DSC1: variants seen among roughly 807,000 people sequenced by gnomAD.
DSC1 encodes desmocollin 1.
In DSC1, 79 loss-of-function variants were observed where a neutral mutation model predicts 98.8. The ratio of observed to expected loss-of-function variants is 0.80; its 90% CI spans 0.67 to 0.96. The LOEUF (loss-of-function observed/expected upper bound fraction) is 0.96, where lower values mean the gene tolerates loss of function less well. Ranked by LOEUF, DSC1 falls within the 50% of genes least tolerant of loss-of-function variation. The pLI, the probability that DSC1 is intolerant of heterozygous loss-of-function variation, is 0.00. For synonymous variants in DSC1, 405 were observed against 372.1 expected (o/e 1.09, Z -1.02); for missense variants, 1,115 against 1,075.9 (o/e 1.04, Z -0.51).
At chr18:31,162,507 C>A in intron 1 of DSC1, 25 bp downstream of exon 1, 1 of 1,612,248 alleles carries the variant, frequency 6.2e-7, no homozygotes, top group Non-Finnish European at 8.5e-7. Context: ...TGCTTGAATT[C>A]CCTAATCCTT....
chr18:31,137,169 T>C (rs921592141), intron 11 of DSC1, among the ~76,000 whole-genome samples: 26 of 152,168 alleles, frequency 1.7e-4, no homozygotes, highest in African/African-American at 6.0e-4. Flanking sequence ...AATTAATTGT[T>C]AAAAGATTTA....
At position 31,157,394 on chromosome 18, in the gene DSC1, C is replaced by T. The variant is rs1989118870; in HGVS notation, c.328G>A (p.Val110Ile). 1.9e-6 allele frequency: 3 copies of T among 1,614,150 alleles called. No homozygotes were observed. Among genetic ancestry groups the T allele is most frequent in the Non-Finnish European group, 2.5e-6 (3 of 1,180,014 alleles). ...QRREQQEIKV[V>I]LSARENKSPK... is the part of the protein sequence containing the mutation. ...ACCTTGTTTTCTCTTGCTGACAGTA[C>T]AACTTTTATCTCTTGTTGTTCCCGT... Residue 110 changes from valine (V) to isoleucine (I), a missense_variant, in exon 3 of 16, where the codon GTA becomes ATA. By Grantham distance (29) the Val-to-Ile change is conservative. Coordinates refer to ENST00000257198, the MANE Select transcript of DSC1 (RefSeq NM_024421.2).
At chr18:31,137,779 C>T (rs1182452359) in intron 11 of DSC1, among the ~76,000 whole-genome samples, 1 of 151,990 alleles carries the variant, frequency 6.6e-6, no homozygotes, top group East Asian at 1.9e-4. Context: ...AGTTAAGGGG[C>T]CTGAATTTCA....
Position 31,150,372 on chromosome 18 carries a change from C to CCATCAGCAGCAGCACCAT in DSC1, c.628-1731_628-1730insATGGTGCTGCTGCTGATG, listed in dbSNP as rs1988965310. Among the ~76,000 whole-genome samples the CCATCAGCAGCAGCACCAT allele has an allele frequency of 6.7e-5, 6 of 89,866 alleles. 1 individual carries two copies. The highest frequency in any genetic ancestry group is 4.9e-5 in the Non-Finnish European group (2 of 41,048). The allele number at this position is 89,866 out of a possible 152,430, so 59.0% of individuals were successfully genotyped here. ...ACCACCACCACCATCATCACCACCACCATCATCACCACCATCACCACCATT... is the reference window on the plus strand; with the variant it reads ...ACCACCACCACCATCATCACCACCACCATCAGCAGCAGCACCATCATCATCACCACCATCACCACCATT... On this transcript the variant is annotated intron_variant, in intron 5 of 15. Transcript: ENST00000257198.
chr18:31,134,212 G>T, intron 12 of DSC1, 82 bp from the exon 13 acceptor site: 4 of 1,474,374 alleles, frequency 2.7e-6, no homozygotes, highest in Non-Finnish European at 3.6e-6. Context: ...TCAGTGGAAG[G>T]GAATCAATTT....
Position 31,157,570 on chromosome 18 carries a change from T to C in DSC1, c.152A>G (p.Asn51Ser). ...LQAETLVGKV[N>S]LEECLKSASL... ...GGCCGACTTGAGACACTCCTCCAGA[T>C]TCACTGCAGGGAAGAAATATCACAG... Residue 51 changes from asparagine (N) to serine (S), a missense_variant, in exon 3 of 16, where the codon AAT becomes AGT. By Grantham distance (46) the Asn-to-Ser change is conservative. Transcript: ENST00000257198. 1.9e-6 allele frequency: 3 copies of C among 1,614,116 alleles called. No homozygotes were observed. Among genetic ancestry groups the C allele is most frequent in the Non-Finnish European group, 2.5e-6 (3 of 1,179,982 alleles).
At position 31,130,483 on chromosome 18, in the gene DSC1, T is replaced by C. The variant is rs1988459714; in HGVS notation, c.*31A>G. The C allele has an allele frequency of 2.5e-6, 4 of 1,609,316 alleles. No homozygotes were observed. The Admixed American group carries it at 5.0e-5, about 20-fold the overall frequency. On this transcript the variant is annotated 3_prime_UTR_variant, in exon 16 of 16. Transcript: ENST00000257198. ...CAAGTAATAAATTCCTACTTATGCA[T>C]CTGTGGATATTACACTATTAAAAGG...
rs542250442 is a variant in DSC1, at chr18:31,155,078, G to A, written c.472-149C>T. ...TGCTTAGGTGCCCATTATCTGCCAT[G>A]TTTTCCGAATTTTTATTTGCATTTT... is the stretch of plus-strand genomic sequence containing the variant. On this transcript the variant is annotated intron_variant, in intron 4 of 15. Coordinates refer to ENST00000257198, the MANE Select transcript of DSC1 (RefSeq NM_024421.2). 150 of 935,564 alleles carry A rather than the reference G, an allele frequency of 1.6e-4. No homozygotes were observed. The African/African-American group carries it at 2.1e-3, about 13-fold the overall frequency. The allele number at this position is 935,564 out of a possible 1,614,324, so 58.0% of individuals were successfully genotyped here. A position where few individuals can be genotyped will look rare whatever the true frequency, so the allele number is the denominator to read the frequency against.
intron 11 of DSC1, among the ~76,000 whole-genome samples, chr18:31,136,103 AT>A (rs1988603498): frequency 6.6e-6 from 1 of 151,950 alleles, no homozygotes; most frequent in Non-Finnish European, 1.5e-5. Flanking sequence ...AAATTTAAAA[AT>A]ATCCAGAAAT....
chr18:31,132,447 A>T (rs1292524026), intron 14 of DSC1, 121 bp downstream of exon 14: 13 of 1,386,374 alleles, frequency 9.4e-6, no homozygotes, highest in Non-Finnish European at 1.3e-5. Flanking sequence ...GGCACTTGAA[A>T]CTCTGCTTAG....
chr18:31,156,712 T>C (rs558273735), intron 3 of DSC1, among the ~76,000 whole-genome samples: 1 of 152,330 alleles, frequency 6.6e-6, no homozygotes, highest in Non-Finnish European at 1.5e-5. Context: ...AATAGAATCA[T>C]TTATTAAGAA....
intron 11 of DSC1, among the ~76,000 whole-genome samples, chr18:31,139,105 A>G (rs1364113138): frequency 6.6e-6 from 1 of 152,002 alleles, no homozygotes; most frequent in African/African-American, 2.4e-5. Flanking sequence ...ATATATTTAA[A>G]CATACTAACA....
intron 11 of DSC1, among the ~76,000 whole-genome samples, chr18:31,139,243 A>G (rs1263062327): frequency 6.6e-6 from 1 of 152,122 alleles, no homozygotes; most frequent in African/African-American, 2.4e-5. Flanking sequence ...AAATCACCAT[A>G]AAAGACTTAA....
chr18:31,161,952 A>G lies in DSC1; in HGVS notation c.63+580T>C, dbSNP rs139743971. ...CCCCTCTCTTCCCTCACCTCCAAAG[A>G]AAAAATAGCACCTTACACAGTTACA... On this transcript the variant is annotated intron_variant, in intron 1 of 15. Coordinates refer to ENST00000257198, the MANE Select transcript of DSC1 (RefSeq NM_024421.2). Among the ~76,000 whole-genome samples the G allele has an allele frequency of 9.8e-5, 15 of 152,306 alleles. No individual in the cohort carries two copies. In the East Asian group the frequency reaches 2.9e-3, roughly 29 times the overall value.
rs765867185 is a variant in DSC1, at chr18:31,159,487, G to A, written c.106C>T (p.Arg36Ter). 11 of 1,605,774 alleles carry A rather than the reference G, an allele frequency of 6.9e-6. No individual in the cohort carries two copies. The highest frequency in any genetic ancestry group is 5.1e-5 in the Admixed American group (3 of 59,018). The stretch of plus-strand genomic sequence containing the variant: ...TCAGCCTGAAGATGAGAAGGAACTC[G>A]AAGATAAACTTTCTGACAAGCATCG... ...LCDACQKVYL[R>*]VPSHLQAETL... Residue 36 changes from arginine (R) to a stop codon, truncating the protein, a stop_gained, in exon 2 of 16, where the codon CGA (arginine) becomes TGA (stop). Coordinates refer to ENST00000257198, the MANE Select transcript of DSC1 (RefSeq NM_024421.2). LOFTEE classifies it high-confidence loss of function.
chr18:31,131,790 A>G lies in DSC1; in HGVS notation c.2291T>C (p.Met764Thr), dbSNP rs761730332. ...MQTSNICDTS[M>T]SVGTVGGQGI... is the part of the protein sequence containing the mutation. ...CTGGCCACCAACAGTACCAACAGAC[A>G]TGCTTGTGTCACAAATGTTGGATGT... Residue 764 changes from methionine to threonine, a missense_variant, in exon 15 of 16, where the codon ATG becomes ACG. Physicochemically the swap from Met to Thr is moderately conservative, Grantham distance 81. Transcript: ENST00000257198. 3.7e-6 allele frequency: 6 copies of G among 1,614,164 alleles called. No homozygotes were observed. Among genetic ancestry groups the G allele is most frequent in the East Asian group, 4.5e-5 (2 of 44,890 alleles).
intron 7 of DSC1, 25 bp downstream of exon 7, chr18:31,145,586 T>C (rs375386259): frequency 1.2e-6 from 2 of 1,612,430 alleles, no homozygotes; most frequent in African/African-American, 2.7e-5. Context: ...GTTCAATGAC[T>C]AGATAGTTAA....
rs188583097 is a variant in DSC1, at chr18:31,153,464, A to G, written c.627+1310T>C. On this transcript the variant is annotated intron_variant, in intron 5 of 15. Coordinates refer to ENST00000257198, the MANE Select transcript of DSC1 (RefSeq NM_024421.2). ...AAGTAAAAGTGTGTTATATTACTAG[A>G]AGTAAAATATGTTTATTCTAGAGAA... Among the ~76,000 whole-genome samples the G allele has an allele frequency of 2.6e-5, 4 of 152,318 alleles. No individual in the cohort carries two copies. In the East Asian group the frequency reaches 5.8e-4, roughly 22 times the overall value.
Position 31,143,716 on chromosome 18 carries a change from T to C in DSC1, c.1015A>G (p.Thr339Ala). 1.2e-6 allele frequency: 2 copies of C among 1,601,948 alleles called. No homozygotes were observed. Among genetic ancestry groups the C allele is most frequent in the Non-Finnish European group, 1.7e-6 (2 of 1,173,434 alleles). Residue 339 changes from threonine (T) to alanine (A), a missense_variant, in exon 8 of 16, where the codon ACA (threonine) becomes GCA (alanine). Physicochemically the swap from Thr to Ala is moderately conservative, Grantham distance 58. Transcript: ENST00000257198. Reference sequence around the variant, plus strand: ...TCATCCTCAAGTGAAATAGTAATTGTTCCTGTATTAAATAAACCGAAAGGC... The same window carrying C: ...TCATCCTCAAGTGAAATAGTAATTGCTCCTGTATTAAATAAACCGAAAGGC... ...GQPFGLFNTG[T>A]ITISLEDEND...
Sources: gnomAD v4.1 joint callset for allele counts (sites outside exome capture counted in the v4.1 genomes callset) on GRCh38, gnomAD v4.1.1 for gene constraint, MANE v1.5 for transcripts, NCBI Gene and HGNC (gene_info 2026-07-23, HGNC 2026-07-21) for gene names.